SLC2A13: variants seen among roughly 807,000 people sequenced by gnomAD.
SLC2A13 encodes the protein solute carrier family 2 member 13.
A neutral mutation model predicts 64.4 loss-of-function variants in SLC2A13; 32 were observed. The observed-to-expected ratio is 0.50, with a 90% confidence interval of 0.37 to 0.67. The LOEUF is 0.67. Ranked by LOEUF, SLC2A13 falls within the 30% of genes least tolerant of loss-of-function variation. The probability of loss-of-function intolerance (pLI) is 0.00; values close to 1 mark genes in which losing one functional copy is unlikely to be tolerated. For missense variants in SLC2A13, 743 were observed against 829.2 expected (o/e 0.90, Z 1.28); for synonymous variants, 338 against 327.1 (o/e 1.03, Z -0.36).
At position 40,030,895 on chromosome 12, in the gene SLC2A13, G is replaced by A. The variant is rs763885899; in HGVS notation, c.717-2386C>T. ...GTCTGGGTCCGAAATGTACAATTCCGTTGCCCTAACGTGTGGAAAAGGAAT... is the reference window on the plus strand; with the variant it reads ...GTCTGGGTCCGAAATGTACAATTCCATTGCCCTAACGTGTGGAAAAGGAAT... On this transcript the variant is annotated intron_variant, in intron 2 of 9. Transcript: ENST00000280871. Among the ~76,000 whole-genome samples, 23 of 152,204 alleles carry A rather than the reference G, an allele frequency of 1.5e-4. No individual in the cohort carries two copies. In the East Asian group the frequency reaches 1.7e-3, roughly 11 times the overall value.
At chr12:40,004,235 A>C (rs1033379814) in intron 3 of SLC2A13, among the ~76,000 whole-genome samples, 1 of 152,012 alleles carries the variant, frequency 6.6e-6, no homozygotes, top group Non-Finnish European at 1.5e-5. Flanking sequence ...CCCAGGCTGG[A>C]GTGCAATGGT....
chr12:40,082,707 G>A (rs1018070572), intron 1 of SLC2A13, among the ~76,000 whole-genome samples: 2 of 152,170 alleles, frequency 1.3e-5, no homozygotes, highest in African/African-American at 4.8e-5. Flanking sequence ...CCATTCCCAC[G>A]CCAGACCCCT....
chr12:40,102,340 C>T (rs573729018), intron 1 of SLC2A13, among the ~76,000 whole-genome samples: 1 of 152,124 alleles, frequency 6.6e-6, no homozygotes, highest in Non-Finnish European at 1.5e-5. Context: ...CCTTTAGATG[C>T]CCTTTCAAAT....
intron 4 of SLC2A13, among the ~76,000 whole-genome samples, chr12:39,892,840 C>T (rs1944646317): frequency 6.6e-6 from 1 of 151,986 alleles, no homozygotes. Flanking sequence ...GGAAAAACAA[C>T]CAAAGTCATA....
intron 7 of SLC2A13, among the ~76,000 whole-genome samples, chr12:39,827,269 T>C (rs941287108): frequency 2.6e-5 from 4 of 152,156 alleles, no homozygotes; most frequent in South Asian, 2.1e-4. Flanking sequence ...CACTCCCTCA[T>C]AGCAAAGGCT....
At chr12:39,825,640 T>A (rs1391840587) in intron 7 of SLC2A13, among the ~76,000 whole-genome samples, 2 of 152,192 alleles carry the variant, frequency 1.3e-5, no homozygotes, top group African/African-American at 4.8e-5. Context: ...CTCTTATGAA[T>A]TTAAAAATCT....
At chr12:39,826,610 A>G (rs961134667) in intron 7 of SLC2A13, among the ~76,000 whole-genome samples, 9 of 151,528 alleles carry the variant, frequency 5.9e-5, no homozygotes, top group Middle Eastern at 3.2e-3. Flanking sequence ...CTGAAAAAAA[A>G]TAAAAAGCAG....
intron 7 of SLC2A13, among the ~76,000 whole-genome samples, chr12:39,785,031 G>A (rs1311288181): frequency 3.9e-5 from 6 of 152,206 alleles, no homozygotes; most frequent in Non-Finnish European, 8.8e-5. Context: ...GCCTTATGAT[G>A]TAGTAGAATA....
At chr12:40,017,558 A>C (rs1477788369) in intron 3 of SLC2A13, among the ~76,000 whole-genome samples, 2 of 152,162 alleles carry the variant, frequency 1.3e-5, no homozygotes, top group African/African-American at 2.4e-5. Context: ...TTTGACTGCA[A>C]TTCAAGGCAA....
chr12:39,934,865 T>G (rs1945891425), intron 4 of SLC2A13, among the ~76,000 whole-genome samples: 1 of 152,142 alleles, frequency 6.6e-6, no homozygotes, highest in African/African-American at 2.4e-5. Context: ...CAAGAAACAC[T>G]GTTCATTTCT....
intron 1 of SLC2A13, among the ~76,000 whole-genome samples, chr12:40,070,478 T>C (rs959161838): frequency 6.6e-6 from 1 of 152,172 alleles, no homozygotes; most frequent in South Asian, 2.1e-4. Flanking sequence ...GTACTTCTCC[T>C]TATTTTACAA....
chr12:39,825,233 G>A (rs937650183), intron 7 of SLC2A13, among the ~76,000 whole-genome samples: 16 of 152,262 alleles, frequency 1.1e-4, no homozygotes, highest in African/African-American at 3.4e-4. Flanking sequence ...GAGGTTTGAA[G>A]TTTCAGAATA....
intron 3 of SLC2A13, among the ~76,000 whole-genome samples, chr12:39,996,491 T>C (rs997362627): frequency 1.3e-5 from 2 of 152,160 alleles, no homozygotes; most frequent in African/African-American, 2.4e-5. Context: ...CCCAAGACAA[T>C]GGGGAAAATG....
intron 7 of SLC2A13, among the ~76,000 whole-genome samples, chr12:39,790,127 C>CT (rs59535689): frequency 4.7e-4 from 69 of 145,670 alleles, no homozygotes; most frequent in African/African-American, 1.4e-3. Context: ...CTTTTGTGTT[C>CT]TTTTTTTTTT....
rs943709637 is a variant in SLC2A13 at position 39,756,348 on chromosome 12, A to T, written c.*3678T>A. 7 of 151,966 alleles carry T rather than the reference A, an allele frequency of 4.6e-5. No homozygotes were observed. The highest frequency in any genetic ancestry group is 8.9e-5 in the Non-Finnish European group (6 of 67,774). The allele number at this position is 151,966 out of a possible 1,614,324, so 9.4% of individuals were successfully genotyped here. A position where few individuals can be genotyped will look rare whatever the true frequency, so the allele number is the denominator to read the frequency against. ...CTGAAAAGGTCTTAATTTGGTAATTAAAAACTTGTCACAACAAGTGAATAA... is the reference window on the plus strand; with the variant it reads ...CTGAAAAGGTCTTAATTTGGTAATTTAAAACTTGTCACAACAAGTGAATAA... On this transcript the variant is annotated 3_prime_UTR_variant, in exon 10 of 10. Coordinates refer to ENST00000280871, the MANE Select transcript of SLC2A13 (RefSeq NM_052885.4).
chr12:40,052,058 G>C (rs946338411), intron 1 of SLC2A13, among the ~76,000 whole-genome samples: 1 of 152,156 alleles, frequency 6.6e-6, no homozygotes, highest in Non-Finnish European at 1.5e-5. Context: ...AAGAGAGAAG[G>C]AAGCTGAGGA....
At chr12:39,766,730 G>A (rs957469545) in intron 7 of SLC2A13, among the ~76,000 whole-genome samples, 1 of 152,044 alleles carries the variant, frequency 6.6e-6, no homozygotes, top group African/African-American at 2.4e-5. Context: ...TTTCAACAAT[G>A]TTCATAGCAC....
chr12:40,024,599 T>G (rs1169454091), intron 3 of SLC2A13, among the ~76,000 whole-genome samples: 1 of 152,186 alleles, frequency 6.6e-6, no homozygotes, highest in Non-Finnish European at 1.5e-5. Flanking sequence ...TCAAAGCAAT[T>G]ACCATAATTT....
chr12:39,918,748 G>C (rs899932292), intron 4 of SLC2A13, among the ~76,000 whole-genome samples: 1 of 151,506 alleles, frequency 6.6e-6, no homozygotes. Flanking sequence ...TACAAAATTA[G>C]CTGGGCGTGG....
Sources: allele counts gnomAD v4.1 joint callset (sites outside exome capture counted in the v4.1 genomes callset), GRCh38; gene constraint gnomAD v4.1.1; transcripts MANE v1.5; gene names NCBI Gene and HGNC (gene_info 2026-07-23, HGNC 2026-07-21).